PLCE1: variants seen among roughly 807,000 people sequenced by gnomAD.
The protein encoded by PLCE1 is 1-phosphatidylinositol 4,5-bisphosphate phosphodiesterase epsilon-1.
A neutral mutation model predicts 242.8 loss-of-function variants in PLCE1; 119 were observed. That is an observed-to-expected ratio of 0.49 (90% CI 0.42 to 0.57). The LOEUF (loss-of-function observed/expected upper bound fraction) is 0.57. Among genes scored for constraint, PLCE1 ranks in the 20% least tolerant of loss-of-function variants. The pLI is 0.00. For missense variants in PLCE1, 2,441 were observed against 2,788.8 expected, an observed-to-expected ratio of 0.88 and a Z score of 2.81; for synonymous variants, 945 against 1,017.4, an observed-to-expected ratio of 0.93 and a Z score of 1.35.
At chr10:94,187,181 T>TGTGTGTGC (rs368426619) in intron 4 of PLCE1, among the ~76,000 whole-genome samples, 18 of 149,266 alleles carry the variant, frequency 1.2e-4, no homozygotes, top group South Asian at 2.1e-4. Context: ...TGTGTGTGTG[T>TGTGTGTGC]GCGTGCACAC....
chr10:94,076,253 G>A (rs1197738010), intron 2 of PLCE1, among the ~76,000 whole-genome samples: 5 of 152,070 alleles, frequency 3.3e-5, no homozygotes, highest in Admixed American at 2.0e-4. Context: ...AGAGAGAAGA[G>A]TGTTTAGTAG....
intron 2 of PLCE1, among the ~76,000 whole-genome samples, chr10:94,036,030 C>T (rs1175691489): frequency 6.6e-6 from 1 of 152,202 alleles, no homozygotes; most frequent in East Asian, 1.9e-4. Context: ...GTTACAAATA[C>T]AGTCTCTGGA....
chr10:94,097,478 T>A (rs182030200), intron 2 of PLCE1, among the ~76,000 whole-genome samples: 1 of 152,296 alleles, frequency 6.6e-6, no homozygotes, highest in East Asian at 1.9e-4. Flanking sequence ...TGATGCTAAG[T>A]GCCAGGATGT....
intron 29 of PLCE1, among the ~76,000 whole-genome samples, chr10:94,319,671 A>C (rs2053707697): frequency 6.6e-6 from 1 of 152,142 alleles, no homozygotes; most frequent in Non-Finnish European, 1.5e-5. Context: ...ATCTATATAC[A>C]AACTACCCTA....
intron 2 of PLCE1, among the ~76,000 whole-genome samples, chr10:94,089,926 C>T (rs573652939): frequency 1.3e-5 from 2 of 152,018 alleles, no homozygotes; most frequent in Non-Finnish European, 1.5e-5. Flanking sequence ...TAAATGCAAA[C>T]ATTTGATAGC....
At chr10:94,113,728 A>T (rs1255221491) in intron 2 of PLCE1, among the ~76,000 whole-genome samples, 3 of 152,182 alleles carry the variant, frequency 2.0e-5, no homozygotes, top group Non-Finnish European at 4.4e-5. Flanking sequence ...TTCTAATAGC[A>T]ATGTGACGAT....
At chr10:94,044,769 C>G (rs557935658) in intron 2 of PLCE1, among the ~76,000 whole-genome samples, 1 of 152,272 alleles carries the variant, frequency 6.6e-6, no homozygotes, top group South Asian at 2.1e-4. Context: ...TAGCTAGAAG[C>G]ACATGGAACA....
rs2054155814 is a variant in PLCE1 at position 94,331,536 on chromosome 10, A to G, written c.*3593A>G. 1 of 152,186 alleles carries G rather than the reference A, an allele frequency of 6.6e-6. No homozygotes were observed. The highest frequency in any genetic ancestry group is 2.4e-5 in the African/African-American group (1 of 41,430). 9.4% of individuals were successfully genotyped at this position (152,186 alleles called of 1,614,324 possible). On this transcript the variant is annotated 3_prime_UTR_variant, in exon 33 of 33. Coordinates refer to ENST00000371380, the MANE Select transcript of PLCE1 (RefSeq NM_016341.4). ...AGGATTTTCCTGGCTGGTGTCTTTGATCTTACATTGGCAGCCTGCAGGGAA... is the reference window on the plus strand; with the variant it reads ...AGGATTTTCCTGGCTGGTGTCTTTGGTCTTACATTGGCAGCCTGCAGGGAA...
intron 2 of PLCE1, among the ~76,000 whole-genome samples, chr10:94,131,190 C>T (rs2046588915): frequency 6.6e-6 from 1 of 152,208 alleles, no homozygotes; most frequent in South Asian, 2.1e-4. Context: ...AGCTGGATTA[C>T]CTCACTGCAT....
At position 94,325,106 on chromosome 10, in the gene PLCE1, T is replaced by C. The variant is rs754473003; in HGVS notation, c.*24+2T>C. 3.1e-5 allele frequency: 50 copies of C among 1,601,008 alleles called. No individual in the cohort carries two copies. The South Asian group carries it at 4.5e-4, about 14-fold the overall frequency. On this transcript the variant is annotated splice_donor_variant, in intron 32 of 32. Coordinates refer to ENST00000371380, the MANE Select transcript of PLCE1 (RefSeq NM_016341.4). LOFTEE classifies it low-confidence loss of function (3UTR_SPLICE). The stretch of plus-strand genomic sequence containing the variant: ...CTAAGGGCAGCATGTTTAACCCAGG[T>C]ATAGTAAGTCATTGCACCATCCTGG...
intron 22 of PLCE1, among the ~76,000 whole-genome samples, chr10:94,290,862 C>T (rs1162351912): frequency 6.6e-6 from 1 of 152,088 alleles, no homozygotes; most frequent in Non-Finnish European, 1.5e-5. Context: ...TTCTATATGA[C>T]TGGCAGTGCA....
chr10:94,213,232 G>C (rs1047570659), intron 4 of PLCE1, among the ~76,000 whole-genome samples: 5 of 152,168 alleles, frequency 3.3e-5, no homozygotes, highest in African/African-American at 1.2e-4. Context: ...TGCCTTTCAT[G>C]TACAGCTCTG....
intron 1 of PLCE1, among the ~76,000 whole-genome samples, chr10:94,011,056 T>C (rs1430848966): frequency 6.6e-6 from 1 of 152,188 alleles, no homozygotes; most frequent in Non-Finnish European, 1.5e-5. Context: ...TAGTCATTCT[T>C]GCATTGCTAT....
chr10:94,322,393 G>A (rs749443041), intron 30 of PLCE1, among the ~76,000 whole-genome samples: 5 of 152,030 alleles, frequency 3.3e-5, no homozygotes, highest in Admixed American at 6.5e-5. Context: ...GCTCACACCT[G>A]TAATCCCAGC....
chr10:94,025,008 A>T (rs1476400531), intron 1 of PLCE1, among the ~76,000 whole-genome samples: 2 of 151,656 alleles, frequency 1.3e-5, no homozygotes, highest in Admixed American at 1.3e-4. Flanking sequence ...ACAAGATAGA[A>T]TTTTTTTTCC....
intron 2 of PLCE1, among the ~76,000 whole-genome samples, chr10:94,035,411 C>T (rs2061644334): frequency 1.3e-5 from 2 of 152,116 alleles, no homozygotes; most frequent in South Asian, 4.1e-4. Context: ...CAAACCTGCC[C>T]TTGTTCATCA....
intron 3 of PLCE1, among the ~76,000 whole-genome samples, chr10:94,136,594 G>A (rs989981543): frequency 2.6e-5 from 4 of 152,114 alleles, no homozygotes; most frequent in Non-Finnish European, 5.9e-5. Flanking sequence ...CAAGTTGATC[G>A]TTATTCACAA....
intron 3 of PLCE1, among the ~76,000 whole-genome samples, chr10:94,141,273 C>T (rs924007088): frequency 1.3e-5 from 2 of 152,186 alleles, no homozygotes; most frequent in Admixed American, 6.5e-5. Context: ...AATGTGACTC[C>T]GTCACCAGGT....
chr10:94,258,494 G>C (rs1030420322), intron 11 of PLCE1, among the ~76,000 whole-genome samples: 1 of 152,160 alleles, frequency 6.6e-6, no homozygotes, highest in Non-Finnish European at 1.5e-5. Flanking sequence ...GAAACACTGA[G>C]TTATTTTGCC....
Sources: allele counts gnomAD v4.1 joint callset (sites outside exome capture counted in the v4.1 genomes callset), GRCh38; gene constraint gnomAD v4.1.1; transcripts MANE v1.5; gene names NCBI Gene and HGNC (gene_info 2026-07-23, HGNC 2026-07-21).